Variants in CRMP1 observed in about 807,000 individuals in gnomAD.
CRMP1 encodes dihydropyrimidinase-related protein 1.
Under a neutral mutation model 68.3 loss-of-function variants are expected in CRMP1, and 19 were observed. The observed-to-expected ratio is 0.28, with a 90% CI of 0.19 to 0.41. The LOEUF (loss-of-function observed/expected upper bound fraction) is 0.41, where lower values mean the gene tolerates loss of function less well. Ranked by LOEUF, CRMP1 falls within the 10% of genes least tolerant of loss-of-function variation. The pLI, the probability that CRMP1 is intolerant of heterozygous loss-of-function variation, is 1.00. For synonymous variants in CRMP1, 439 were observed against 399.6 expected, an observed-to-expected ratio of 1.10 and a Z score of -1.18; for missense variants, 791 against 967.4, an observed-to-expected ratio of 0.82 and a Z score of 2.42.
chr4:5,888,165 G>A lies in CRMP1; in HGVS notation c.381+4424C>T. 8.1e-7 allele frequency: 1 copy of A among 1,234,432 alleles called. No homozygotes were observed. The highest frequency in any genetic ancestry group is 1.0e-6 in the Non-Finnish European group (1 of 986,892). 76.5% of individuals were successfully genotyped at this position (1,234,432 alleles called of 1,614,324 possible). Reference sequence around the variant, plus strand: ...CCGGCGCCCCGTGGATCTGGACCCTGCCGGGCGCCCACTCCCAGCCCACAA... The same window carrying A: ...CCGGCGCCCCGTGGATCTGGACCCTACCGGGCGCCCACTCCCAGCCCACAA... On this transcript the variant is annotated intron_variant, in intron 1 of 13. Coordinates refer to ENST00000324989, the MANE Select transcript of CRMP1 (RefSeq NM_001014809.3). This position sits in a 1 kb window ranked among gnomAD's most constrained non-coding sequence, Gnocchi z 6.4.
In CRMP1 at chr4:5,828,298, C is replaced by T. The variant is rs922593; in HGVS notation, c.1803+191G>A. On this transcript the variant is annotated intron_variant, in intron 12 of 13. Transcript: ENST00000324989. The stretch of plus-strand genomic sequence containing the variant: ...TGCAAAGCCCTGGAACTTGCATGTC[C>T]TCATTTGATGCTCACTCCTGTCCTC... The T allele has an allele frequency of 3.5e-3, 3,430 of 985,036 alleles. 95 individuals carry two copies. In the African/African-American group the frequency reaches 0.055, roughly 16 times the overall value. 61.0% of individuals were successfully genotyped at this position (985,036 alleles called of 1,614,324 possible).
chr4:5,892,713 C>G lies in CRMP1; in HGVS notation c.257G>C (p.Ser86Thr). Reference sequence around the variant, plus strand: ...GGAGCCCGAGGGCTCGCTCACGTCGCTGGCCGTGTCCTCGCTGCCTCCCGG... The same window carrying G: ...GGAGCCCGAGGGCTCGCTCACGTCGGTGGCCGTGTCCTCGCTGCCTCCCGG... ...PGPGGSEDTA[S>T]DVSEPSGSAV... Residue 86 changes from serine to threonine, a missense_variant, in exon 1 of 14, where the codon AGC (serine) becomes ACC (threonine). Around this residue, in one of 3 missense-constraint regions of CRMP1, gnomAD observed 193 missense variants for 186.3 expected, o/e 1.04. Transcript: ENST00000324989. This position sits in a 1 kb window ranked among gnomAD's most constrained non-coding sequence, Gnocchi z 8.6. The G allele has an allele frequency of 4.9e-6, 6 of 1,228,928 alleles. No homozygotes were observed. Among genetic ancestry groups the G allele is most frequent in the Non-Finnish European group, 6.1e-6 (6 of 985,048 alleles). The allele number at this position is 1,228,928 out of a possible 1,614,324, so 76.1% of individuals were successfully genotyped here.
At position 5,892,135 on chromosome 4, in the gene CRMP1, C is replaced by T. The variant is rs1395600754; in HGVS notation, c.381+454G>A. ...GACTCGCGGAACCTCTCCCGGGGCC[C>T]GGCACACAGTAGGTGCTCTATAATT... is the stretch of plus-strand genomic sequence containing the variant. On this transcript the variant is annotated intron_variant, in intron 1 of 13. Transcript: ENST00000324989. The surrounding 1 kb of genome is among the most constrained non-coding windows in gnomAD (Gnocchi z 8.6). 6.6e-6 allele frequency among the ~76,000 whole-genome samples: 1 copy of T among 152,138 alleles called. No homozygotes were observed. The highest frequency in any genetic ancestry group is 1.9e-4 in the East Asian group (1 of 5,176).
intron 1 of CRMP1, among the ~76,000 whole-genome samples, chr4:5,885,005 G>A (rs377354347): frequency 6.0e-5 from 9 of 148,988 alleles, no homozygotes; most frequent in Non-Finnish European, 1.0e-4. Context: ...AAAAAGACAC[G>A]CATGAAAGAG....
At chr4:5,864,181 G>A (rs759494767) in intron 2 of CRMP1, among the ~76,000 whole-genome samples, 9 of 152,122 alleles carry the variant, frequency 5.9e-5, no homozygotes, top group East Asian at 3.9e-4. Flanking sequence ...CCGGGATTGC[G>A]GAGCTCTATA....
chr4:5,882,469 C>T lies in CRMP1; in HGVS notation c.381+10120G>A, dbSNP rs568455541. 1.6e-4 allele frequency among the ~76,000 whole-genome samples: 25 copies of T among 152,266 alleles called. No individual in the cohort carries two copies. The South Asian group carries it at 3.1e-3, about 19-fold the overall frequency. On this transcript the variant is annotated intron_variant, in intron 1 of 13. Coordinates refer to ENST00000324989, the MANE Select transcript of CRMP1 (RefSeq NM_001014809.3). ...GGAGCAAAGCTAATACACCATCCCA[C>T]GGTAATAATAATAAGAGCTAATCCA...
rs574945468 is a variant in CRMP1 at position 5,865,263 on chromosome 4, G to A, written c.470+1405C>T. On this transcript the variant is annotated intron_variant, in intron 2 of 13. Transcript: ENST00000324989. This position sits in a 1 kb window ranked among gnomAD's most constrained non-coding sequence, Gnocchi z 4.1. ...TCCAGATTTCAAGGGAAGAGGCTGA[G>A]CACCCAGCAAATCCAGGTTACAACT... Among the ~76,000 whole-genome samples the A allele has an allele frequency of 8.5e-5, 13 of 152,168 alleles. No homozygotes were observed. The South Asian group carries it at 2.7e-3, about 32-fold the overall frequency.
At chr4:5,832,362 T>C (rs1320236299) in intron 11 of CRMP1, among the ~76,000 whole-genome samples, 4 of 152,244 alleles carry the variant, frequency 2.6e-5, no homozygotes, top group African/African-American at 7.2e-5. Flanking sequence ...AGATAGTCTA[T>C]GATATACAAA....
rs999288014 is a variant in CRMP1, at chr4:5,853,097, G to C, written c.821-1628C>G. On this transcript the variant is annotated intron_variant, in intron 4 of 13. Transcript: ENST00000324989. This position sits in a 1 kb window ranked among gnomAD's most constrained non-coding sequence, Gnocchi z 4.7. ...ATTCTGGGGATAATGTGGAATTGCT[G>C]AGAGCATTTAAGCTGATTAGAAAAT... Among the ~76,000 whole-genome samples the C allele has an allele frequency of 6.6e-6, 1 of 152,202 alleles. No homozygotes were observed. Among genetic ancestry groups the C allele is most frequent in the Admixed American group, 6.5e-5 (1 of 15,276 alleles).
chr4:5,821,883 G>C lies in CRMP1; in HGVS notation c.1970-32C>G. 1.3e-6 allele frequency: 2 copies of C among 1,514,490 alleles called. No homozygotes were observed. The highest frequency in any genetic ancestry group is 1.8e-6 in the Non-Finnish European group (2 of 1,132,184). 93.8% of individuals were successfully genotyped at this position (1,514,490 alleles called of 1,614,324 possible). A position where few individuals can be genotyped will look rare whatever the true frequency, so the allele number is the denominator to read the frequency against. On this transcript the variant is annotated intron_variant, in intron 13 of 13. Transcript: ENST00000324989. This position sits in a 1 kb window ranked among gnomAD's most constrained non-coding sequence, Gnocchi z 4.4. ...GAGAGCGCCAATCGCTGCTGGATGG[G>C]ATCTGTTAGCATCAGTTCCACGCTG...
chr4:5,828,469 T>C lies in CRMP1; in HGVS notation c.1803+20A>G. 1 of 1,608,394 alleles carries C rather than the reference T, an allele frequency of 6.2e-7. No homozygotes were observed. Among genetic ancestry groups the C allele is most frequent in the Non-Finnish European group, 8.5e-7 (1 of 1,175,592 alleles). On this transcript the variant is annotated intron_variant, in intron 12 of 13. Coordinates refer to ENST00000324989, the MANE Select transcript of CRMP1 (RefSeq NM_001014809.3). ...GCTCTGGTCCCACGGGTGGGCCCGC[T>C]CCCCTGCAGACACACTCACCTTATT... is the stretch of plus-strand genomic sequence containing the variant.
intron 1 of CRMP1, among the ~76,000 whole-genome samples, chr4:5,874,221 A>G (rs912822000): frequency 6.6e-6 from 1 of 152,252 alleles, no homozygotes; most frequent in African/African-American, 2.4e-5. Flanking sequence ...TGGTATAACC[A>G]CACCAATAAT....
chr4:5,829,848 T>C (rs1720232060), intron 11 of CRMP1, among the ~76,000 whole-genome samples: 2 of 152,228 alleles, frequency 1.3e-5, no homozygotes, highest in African/African-American at 4.8e-5. Context: ...AAACAGACTT[T>C]GCATCCACAG....
At chr4:5,829,981 G>A (rs1348487977) in intron 11 of CRMP1, among the ~76,000 whole-genome samples, 3 of 152,112 alleles carry the variant, frequency 2.0e-5, no homozygotes, top group South Asian at 2.1e-4. Flanking sequence ...ACAAAACTCC[G>A]TGAGCTTACC....
chr4:5,832,179 G>C (rs983886743), intron 11 of CRMP1, among the ~76,000 whole-genome samples: 9 of 152,234 alleles, frequency 5.9e-5, no homozygotes, highest in Non-Finnish European at 1.3e-4. Context: ...GGGTGAGAGA[G>C]AGGGACTGAT....
chr4:5,848,556 C>T (rs989380117), intron 6 of CRMP1, among the ~76,000 whole-genome samples: 7 of 152,194 alleles, frequency 4.6e-5, no homozygotes, highest in Admixed American at 1.3e-4. Context: ...GTTCATGTCT[C>T]ATTTTATCCA....
rs1351077818 is a variant in CRMP1, at chr4:5,865,003, C to T, written c.470+1665G>A. Among the ~76,000 whole-genome samples, 1 of 152,038 alleles carries T rather than the reference C, an allele frequency of 6.6e-6. No individual in the cohort carries two copies. Among genetic ancestry groups the T allele is most frequent in the Non-Finnish European group, 1.5e-5 (1 of 68,014 alleles). On this transcript the variant is annotated intron_variant, in intron 2 of 13. Transcript: ENST00000324989. This position sits in a 1 kb window ranked among gnomAD's most constrained non-coding sequence, Gnocchi z 4.1. ...CTCAACTGTTCTGGGTATCCCTCTT[C>T]ACTGGGTGATTTGCATATGTGGTCC...
At chr4:5,876,102 G>A (rs1473179825) in intron 1 of CRMP1, among the ~76,000 whole-genome samples, 4 of 151,260 alleles carry the variant, frequency 2.6e-5, no homozygotes, top group South Asian at 2.1e-4. Context: ...GCAGTGAGCC[G>A]AGATCACGTC....
At chr4:5,849,229 G>C (rs1312363066) in intron 6 of CRMP1, among the ~76,000 whole-genome samples, 163 bp downstream of exon 6, 1 of 152,194 alleles carries the variant, frequency 6.6e-6, no homozygotes, top group African/African-American at 2.4e-5. Flanking sequence ...ACCTAGGTTT[G>C]CAAAGCATTT....
Sources: gnomAD v4.1 joint callset for allele counts (sites outside exome capture counted in the v4.1 genomes callset) on GRCh38, gnomAD v4.1.1 for gene constraint, gnomAD v4.1.1 regional missense constraint, Gnocchi (gnomAD v3.1) non-coding constraint, MANE v1.5 for transcripts, NCBI Gene and HGNC (gene_info 2026-07-23, HGNC 2026-07-21) for gene names.